Variants in DOCK10 observed in about 807,000 individuals in gnomAD.
DOCK10 encodes the protein dedicator of cytokinesis protein 10.
Under a neutral mutation model 280.1 loss-of-function variants are expected in DOCK10, and 145 were observed. That is an observed-to-expected ratio of 0.52 (90% CI 0.45 to 0.59). The LOEUF (loss-of-function observed/expected upper bound fraction) is 0.59. DOCK10 is among the 20% of genes least tolerant of loss of function. The pLI is 0.00. For missense variants in DOCK10, 2,368 were observed against 2,651.7 expected, an observed-to-expected ratio of 0.89 and a Z score of 2.35; for synonymous variants, 915 against 942.2, an observed-to-expected ratio of 0.97 and a Z score of 0.53.
chr2:224,868,325 T>C (rs1698057633), intron 11 of DOCK10, among the ~76,000 whole-genome samples: 1 of 152,224 alleles, frequency 6.6e-6, no homozygotes, highest in Non-Finnish European at 1.5e-5. Flanking sequence ...CATATGTAAT[T>C]ACATACATAT....
chr2:224,921,134 T>TATATATATATATATAA (rs1210407698), intron 2 of DOCK10, among the ~76,000 whole-genome samples: 8 of 109,180 alleles, frequency 7.3e-5, no homozygotes, highest in African/African-American at 3.0e-4. Context: ...TATATATATA[T>TATATATATATATATAA]AATGTATATA....
At chr2:224,820,700 A>G (rs1694451484) in intron 28 of DOCK10, among the ~76,000 whole-genome samples, 1 of 152,250 alleles carries the variant, frequency 6.6e-6, no homozygotes, top group African/African-American at 2.4e-5. Flanking sequence ...TTCCAAAAGC[A>G]CAAGCTATTT....
At chr2:224,798,935 G>A (rs1349490211) in intron 41 of DOCK10, among the ~76,000 whole-genome samples, 1 of 152,074 alleles carries the variant, frequency 6.6e-6, no homozygotes, top group African/African-American at 2.4e-5. Flanking sequence ...CACCTGCCCC[G>A]GCTCAATCCG....
intron 2 of DOCK10, among the ~76,000 whole-genome samples, chr2:224,921,110 A>ATAT (rs1185460802): frequency 8.6e-4 from 60 of 69,572 alleles, no homozygotes; most frequent in African/African-American, 5.2e-3. Flanking sequence ...AAAAAAAAAA[A>ATAT]AAATATATAT....
chr2:225,028,170 G>A (rs1689968875), intron 1 of DOCK10, among the ~76,000 whole-genome samples: 1 of 152,126 alleles, frequency 6.6e-6, no homozygotes. Context: ...GATTGTCCTG[G>A]ATTATCTAGG....
Position 225,014,084 on chromosome 2 carries a change from G to GTTTT in DOCK10, c.123+28164_123+28167dup, listed in dbSNP as rs1174953662. On this transcript the variant is annotated intron_variant, in intron 1 of 55. Transcript: ENST00000258390. ...AAATCCCCAGAAGTCTGAATATATTGTTTTTTTTTTTTTGTTTTTTTTTTT... is the reference window on the plus strand; with the variant it reads ...AAATCCCCAGAAGTCTGAATATATTGTTTTTTTTTTTTTTTTTGTTTTTTTTTTT... Among the ~76,000 whole-genome samples the GTTTT allele has an allele frequency of 5.8e-3, 600 of 104,328 alleles. 9 individuals carry two copies. Among genetic ancestry groups the GTTTT allele is most frequent in the African/African-American group, 0.027 (542 of 20,280 alleles). 68.4% of individuals were successfully genotyped at this position (104,328 alleles called of 152,430 possible).
chr2:224,865,666 G>A (rs1227390078), intron 11 of DOCK10, among the ~76,000 whole-genome samples: 1 of 152,112 alleles, frequency 6.6e-6, no homozygotes, highest in African/African-American at 2.4e-5. Context: ...AGAGAGGGCA[G>A]GAAGTTTCCT....
chr2:224,770,556 C>T lies in DOCK10; in HGVS notation c.6294G>A (p.Lys2098=), dbSNP rs1229381372. ...AGCGAGAAGCTTACCTGAAGATCTC[C>T]TTCAAAAGCTTTACTTGGTTGTCAG... The part of the protein sequence containing the change: ...KYPDNQVKLL[K]EIFRQFADAC... Residue 2098 remains lysine (K), a synonymous_variant, in exon 54 of 56, where the codon AAG becomes AAA. Transcript: ENST00000258390. The surrounding 1 kb of genome is among the most constrained non-coding windows in gnomAD (Gnocchi z 4.5). 3 of 1,613,648 alleles carry T rather than the reference C, an allele frequency of 1.9e-6. No homozygotes were observed. The highest frequency in any genetic ancestry group is 2.5e-6 in the Non-Finnish European group (3 of 1,179,554).
chr2:224,920,789 A>T (rs1457357858), intron 2 of DOCK10, among the ~76,000 whole-genome samples: 2 of 151,974 alleles, frequency 1.3e-5, no homozygotes, highest in African/African-American at 4.8e-5. Context: ...AAATACTTTA[A>T]GTCTGATGGA....
chr2:224,906,266 C>G (rs1159021004), intron 3 of DOCK10, among the ~76,000 whole-genome samples: 1 of 152,094 alleles, frequency 6.6e-6, no homozygotes, highest in Non-Finnish European at 1.5e-5. Context: ...AATCATGCAC[C>G]TGGACTATTA....
intron 1 of DOCK10, among the ~76,000 whole-genome samples, chr2:225,020,903 G>A (rs1253243055): frequency 1.3e-5 from 2 of 152,196 alleles, no homozygotes; most frequent in African/African-American, 4.8e-5. Context: ...GTGCATATGT[G>A]ACATAGGATA....
intron 51 of DOCK10, among the ~76,000 whole-genome samples, chr2:224,776,584 G>T (rs1690879035): frequency 6.6e-6 from 1 of 151,706 alleles, no homozygotes; most frequent in Non-Finnish European, 1.5e-5. Flanking sequence ...CCAGACTCAA[G>T]GATTTCATGC....
chr2:224,968,366 G>C (rs1704894450), intron 1 of DOCK10, among the ~76,000 whole-genome samples: 1 of 152,226 alleles, frequency 6.6e-6, no homozygotes, highest in African/African-American at 2.4e-5. Flanking sequence ...ATCCCAGGCA[G>C]GGCAGGTGTG....
chr2:224,912,985 C>T (rs1001773248), intron 3 of DOCK10, among the ~76,000 whole-genome samples: 2 of 151,966 alleles, frequency 1.3e-5, no homozygotes, highest in African/African-American at 2.4e-5. Context: ...GAGATCGTGC[C>T]AGTGCTCTCC....
At chr2:224,927,524 A>G (rs1702100523) in intron 2 of DOCK10, among the ~76,000 whole-genome samples, 1 of 152,294 alleles carries the variant, frequency 6.6e-6, no homozygotes, top group Admixed American at 6.5e-5. Flanking sequence ...GGGACAGCAG[A>G]GTGAATAGAG....
At position 224,840,024 on chromosome 2, in the gene DOCK10, T is replaced by C. The variant is rs1274279868; in HGVS notation, c.2710A>G (p.Ile904Val). ...KIHAIMSFLP[I>V]ILNQLFKVLV... is the part of the protein sequence containing the mutation. ...ACTTTGAAGAGCTGATTCAAAATTATAGGCAGAAAACTCATGATTGCATGA... is the reference window on the plus strand; with the variant it reads ...ACTTTGAAGAGCTGATTCAAAATTACAGGCAGAAAACTCATGATTGCATGA... Residue 904 changes from isoleucine to valine, a missense_variant, in exon 24 of 56, where the codon ATA becomes GTA. By Grantham distance (29) the Ile-to-Val change is conservative. Around this residue, in one of 2 missense-constraint regions of DOCK10, gnomAD observed 1,209 missense variants for 1,250.9 expected, o/e 0.97. Coordinates refer to ENST00000258390, the MANE Select transcript of DOCK10 (RefSeq NM_014689.3). The C allele has an allele frequency of 4.5e-6, 7 of 1,564,926 alleles. No individual in the cohort carries two copies. Among genetic ancestry groups the C allele is most frequent in the Non-Finnish European group, 6.1e-6 (7 of 1,151,886 alleles).
At chr2:224,966,239 G>T (rs1704733778) in intron 1 of DOCK10, among the ~76,000 whole-genome samples, 1 of 152,104 alleles carries the variant, frequency 6.6e-6, no homozygotes, top group African/African-American at 2.4e-5. Flanking sequence ...GCATATTCTT[G>T]ATACTTAAAA....
chr2:225,037,860 G>A (rs1690303867), intron 1 of DOCK10, among the ~76,000 whole-genome samples: 1 of 152,086 alleles, frequency 6.6e-6, no homozygotes, highest in Non-Finnish European at 1.5e-5. Context: ...CCTACTTGTG[G>A]TTACTATTCA....
intron 1 of DOCK10, among the ~76,000 whole-genome samples, chr2:225,035,127 G>A (rs892891838): frequency 6.6e-6 from 1 of 152,190 alleles, no homozygotes; most frequent in Non-Finnish European, 1.5e-5. Flanking sequence ...AGCCAGGTTT[G>A]AAATTCTGCT....
Sources: allele counts gnomAD v4.1 joint callset (sites outside exome capture counted in the v4.1 genomes callset), GRCh38; gene constraint gnomAD v4.1.1; regional missense constraint gnomAD v4.1.1; non-coding constraint Gnocchi (gnomAD v3.1); transcripts MANE v1.5; gene names NCBI Gene and HGNC (gene_info 2026-07-23, HGNC 2026-07-21).